Variants in PARP8 observed in about 807,000 individuals in gnomAD.
The protein encoded by PARP8 is poly(ADP-ribose) polymerase family member 8, also known as protein mono-ADP-ribosyltransferase PARP8.
PARP8 carries 51 observed loss-of-function variants against 124.1 expected under a neutral mutation model. The observed-to-expected ratio is 0.41, with a 90% CI of 0.33 to 0.52. The LOEUF is 0.52. Among genes scored for constraint, PARP8 ranks in the 20% least tolerant of loss-of-function variants. PARP8 has a pLI of 0.21. For missense variants in PARP8, 860 were observed against 1,018.9 expected (o/e 0.84, Z 2.12); for synonymous variants, 391 against 361.5 (o/e 1.08, Z -0.93).
chr5:50,713,780 G>C (rs182028495), intron 2 of PARP8, among the ~76,000 whole-genome samples: 1 of 152,012 alleles, frequency 6.6e-6, no homozygotes, highest in Non-Finnish European at 1.5e-5. Flanking sequence ...AGAGGCAGGC[G>C]AGTCAGAGAA....
At chr5:50,822,305 G>A (rs1459086556) in intron 16 of PARP8, 30 bp from the exon 17 acceptor site, 8 of 1,538,096 alleles carry the variant, frequency 5.2e-6, no homozygotes, top group Non-Finnish European at 7.2e-6. Context: ...AGCAAATGCT[G>A]TTTTTTAACA....
chr5:50,832,863 G>A lies in PARP8; in HGVS notation c.2307+9G>A. 6.2e-7 allele frequency: 1 copy of A among 1,610,868 alleles called. No individual in the cohort carries two copies. The highest frequency in any genetic ancestry group is 1.3e-5 in the African/African-American group (1 of 74,938). On this transcript the variant is annotated intron_variant, in intron 23 of 25. Transcript: ENST00000281631. Reference sequence around the variant, plus strand: ...GCAGCAATACATCACAGGTGTTGTAGTGACTTTAGTGACTGCTTATGATTA... The same window carrying A: ...GCAGCAATACATCACAGGTGTTGTAATGACTTTAGTGACTGCTTATGATTA...
intron 2 of PARP8, among the ~76,000 whole-genome samples, chr5:50,689,032 A>ATTT (rs67863550): frequency 7.2e-5 from 8 of 111,268 alleles, no homozygotes; most frequent in Non-Finnish European, 1.3e-4. Flanking sequence ...TTTTTTTTTG[A>ATTT]TTTTTTTTTT....
chr5:50,691,191 G>T (rs1752461610), intron 2 of PARP8, among the ~76,000 whole-genome samples: 1 of 152,060 alleles, frequency 6.6e-6, no homozygotes, highest in South Asian at 2.1e-4. Flanking sequence ...AAACATACAA[G>T]TAAAACCTCT....
intron 14 of PARP8, among the ~76,000 whole-genome samples, chr5:50,800,496 T>G (rs368563536): frequency 3.9e-5 from 6 of 152,318 alleles, no homozygotes; most frequent in Admixed American, 2.0e-4. Context: ...ATTTTTATCT[T>G]GTGATTTAGG....
chr5:50,764,324 A>G (rs779624321), intron 7 of PARP8, among the ~76,000 whole-genome samples: 1 of 152,194 alleles, frequency 6.6e-6, no homozygotes, highest in African/African-American at 2.4e-5. Flanking sequence ...TGCATGAAAT[A>G]TAGGCTGCCG....
chr5:50,808,917 A>G (rs1744143885), intron 14 of PARP8, among the ~76,000 whole-genome samples: 1 of 152,050 alleles, frequency 6.6e-6, no homozygotes, highest in Non-Finnish European at 1.5e-5. Flanking sequence ...AGCACAACCT[A>G]TTAAAACCCT....
intron 3 of PARP8, chr5:50,757,117 A>T (rs1353139100): frequency 4.4e-6 from 2 of 454,408 alleles, no homozygotes; most frequent in Non-Finnish European, 8.8e-6. Context: ...TCCACTTCTT[A>T]GCTATTGTGA....
intron 2 of PARP8, among the ~76,000 whole-genome samples, chr5:50,686,801 T>C (rs540190364): frequency 6.6e-6 from 1 of 152,270 alleles, no homozygotes; most frequent in East Asian, 1.9e-4. Context: ...GAGCTATACC[T>C]TGGGTCCTTT....
Position 50,760,352 on chromosome 5 carries a change from A to T in PARP8, c.335A>T (p.Glu112Val), listed in dbSNP as rs1760420627. Residue 112 changes from glutamate to valine, a missense_variant, in exon 5 of 26, where the codon GAA becomes GTA. Physicochemically the swap from Glu to Val is moderately radical, Grantham distance 121 (BLOSUM62 -2). Coordinates refer to ENST00000281631, the MANE Select transcript of PARP8 (RefSeq NM_024615.4). ...TCCATAAAATCCAAATTACAAAAGG[A>T]AAATGGGGAGGTATGTAAATTATAT... ...CLSIKSKLQKENGEESRQNST... is the reference protein window; with the variant it reads ...CLSIKSKLQKVNGEESRQNST... 6.6e-7 allele frequency: 1 copy of T among 1,524,272 alleles called. No homozygotes were observed. The highest frequency in any genetic ancestry group is 9.0e-7 in the Non-Finnish European group (1 of 1,115,974). 94.4% of individuals were successfully genotyped at this position (1,524,272 alleles called of 1,614,324 possible). A position where few individuals can be genotyped will look rare whatever the true frequency, so the allele number is the denominator to read the frequency against.
intron 3 of PARP8, among the ~76,000 whole-genome samples, chr5:50,751,046 A>G (rs915481483): frequency 2.6e-5 from 4 of 152,194 alleles, no homozygotes; most frequent in Middle Eastern, 3.2e-3. Flanking sequence ...ACAAAAATTA[A>G]TGTGCTTCTC....
At position 50,772,727 on chromosome 5, in the gene PARP8, T is replaced by TA. The variant is rs573997817; in HGVS notation, c.519-5341dup. On this transcript the variant is annotated intron_variant, in intron 7 of 25. Transcript: ENST00000281631. ...ATTTTTATTTTTGAGACAAGAGTCT[T>TA]ACTCTGTCACCCAGGCTGGAGTGCA... Among the ~76,000 whole-genome samples the TA allele has an allele frequency of 2.9e-3, 434 of 152,200 alleles. 2 individuals are homozygous for TA. The highest frequency in any genetic ancestry group is 0.01 in the African/African-American group (420 of 41,516).
intron 22 of PARP8, 101 bp downstream of exon 22, chr5:50,830,062 A>G: frequency 7.9e-7 from 1 of 1,260,974 alleles, no homozygotes; most frequent in Non-Finnish European, 1.0e-6. Flanking sequence ...TATTAGATAT[A>G]TTTTTATTAA....
intron 2 of PARP8, among the ~76,000 whole-genome samples, chr5:50,747,163 G>GTTTTTTTTTTTTTTTTTGTTTTTTTT (rs1758663458): frequency 1.0e-5 from 1 of 95,504 alleles, no homozygotes; most frequent in Admixed American, 1.1e-4. Flanking sequence ...TGTTTGTTTT[G>GTTTTTTTTTTTTTTTTTGTTTTTTTT]TTTTTTTTTT....
chr5:50,703,694 AACTCTATACATTCGT>A (rs554827446), intron 2 of PARP8, among the ~76,000 whole-genome samples: 1 of 152,116 alleles, frequency 6.6e-6, no homozygotes, highest in Non-Finnish European at 1.5e-5. Flanking sequence ...ATAATGGTCT[AACTCTATACATTCGT>A]TTTCCAACCT....
In PARP8 at chr5:50,794,879, G is replaced by A. The variant is rs1321287633; in HGVS notation, c.890G>A (p.Cys297Tyr). ...TCGCCAAGTTATCCTCCCCCTGGTT[G>A]TGGCAAAAGCAAATCCAAACTGAAA... is the stretch of plus-strand genomic sequence containing the variant. ...RRSPSYPPPG[C>Y]GKSKSKLKSE... The change falls in exon 12 of 26, where the codon TGT (cysteine) becomes TAT (tyrosine). Residue 297 changes from cysteine to tyrosine, a missense_variant. Cys to Tyr is a radical substitution (Grantham distance 194). Transcript: ENST00000281631. The A allele has an allele frequency of 6.2e-7, 1 of 1,614,018 alleles. No individual in the cohort carries two copies. The highest frequency in any genetic ancestry group is 2.2e-5 in the East Asian group (1 of 44,868).
At chr5:50,841,094 AT>A (rs1748130369) in intron 25 of PARP8, among the ~76,000 whole-genome samples, 1 of 151,844 alleles carries the variant, frequency 6.6e-6, no homozygotes, top group South Asian at 2.1e-4. Context: ...AGTGGCTAGT[AT>A]TAATCTTTGA....
At chr5:50,773,912 A>G (rs1761889304) in intron 7 of PARP8, among the ~76,000 whole-genome samples, 1 of 150,862 alleles carries the variant, frequency 6.6e-6, no homozygotes. Context: ...GTCATAGGAT[A>G]ATAATGGAGA....
chr5:50,761,863 G>T lies in PARP8; in HGVS notation c.388G>T (p.Asp130Tyr). The T allele has an allele frequency of 6.2e-7, 1 of 1,604,836 alleles. No individual in the cohort carries two copies. Among genetic ancestry groups the T allele is most frequent in the South Asian group, 1.1e-5 (1 of 90,154 alleles). ...NSTVEEDSEG[D>Y]NDSEEFYYGG... ...TACAGTGGAGGAAGATTCTGAAGGT[G>T]ACAATGATTCCGAAGAATTTTATTA... Residue 130 changes from aspartate (D) to tyrosine (Y), a missense_variant, in exon 6 of 26, where the codon GAC becomes TAC. By Grantham distance (160) the Asp-to-Tyr change is radical. Around this residue, in one of 2 missense-constraint regions of PARP8, gnomAD observed 517 missense variants for 544.2 expected, o/e 0.95. Transcript: ENST00000281631.
Sources: gnomAD v4.1 joint callset for allele counts (sites outside exome capture counted in the v4.1 genomes callset) on GRCh38, gnomAD v4.1.1 for gene constraint, gnomAD v4.1.1 regional missense constraint, MANE v1.5 for transcripts, NCBI Gene and HGNC (gene_info 2026-07-23, HGNC 2026-07-21) for gene names.